The following CRISPLD2 variants were observed in gnomAD, a reference collection of about 807,000 sequenced individuals.
The protein encoded by CRISPLD2 is cysteine rich secretory protein LCCL domain containing 2, also known as cysteine-rich secretory protein LCCL domain-containing 2.
Under a neutral mutation model 71.1 loss-of-function variants are expected in CRISPLD2, and 47 were observed. That is an observed-to-expected ratio of 0.66 (90% CI 0.52 to 0.84). The LOEUF (loss-of-function observed/expected upper bound fraction) is 0.84. Ranked by LOEUF, CRISPLD2 falls within the 40% of genes least tolerant of loss-of-function variation. The pLI is 0.00. For synonymous variants in CRISPLD2, 317 were observed against 250.1 expected (o/e 1.27, Z -2.52); for missense variants, 830 against 651.1 (o/e 1.27, Z -2.99).
At chr16:84,824,545 G>A (rs1916304786) in intron 1 of CRISPLD2, among the ~76,000 whole-genome samples, 1 of 152,160 alleles carries the variant, frequency 6.6e-6, no homozygotes, top group African/African-American at 2.4e-5. Flanking sequence ...CAAGGTGAAA[G>A]TCACAGGTGG....
At chr16:84,866,141 T>G (rs1194198956) in intron 6 of CRISPLD2, among the ~76,000 whole-genome samples, 1 of 152,070 alleles carries the variant, frequency 6.6e-6, no homozygotes, top group East Asian at 1.9e-4. Flanking sequence ...GTGTGCATGA[T>G]GAGGAAGACC....
chr16:84,848,535 C>T (rs1916979849), intron 3 of CRISPLD2, among the ~76,000 whole-genome samples: 1 of 151,852 alleles, frequency 6.6e-6, no homozygotes, highest in Non-Finnish European at 1.5e-5. Flanking sequence ...AGCGATGACC[C>T]CACGGAGGAT....
At chr16:84,843,495 C>T (rs1211647633) in intron 2 of CRISPLD2, among the ~76,000 whole-genome samples, 2 of 152,218 alleles carry the variant, frequency 1.3e-5, no homozygotes, top group East Asian at 1.9e-4. Context: ...AGCCTGCCTC[C>T]GTCCAGCCAG....
chr16:84,839,768 T>G (rs917183410), intron 2 of CRISPLD2: 1 of 152,238 alleles, frequency 6.6e-6, no homozygotes, highest in African/African-American at 2.4e-5. Flanking sequence ...CAGCTATGAA[T>G]GGCTTTTTAA....
intron 14 of CRISPLD2, among the ~76,000 whole-genome samples, chr16:84,896,623 G>T (rs893430762): frequency 2.0e-5 from 3 of 152,074 alleles, no homozygotes; most frequent in African/African-American, 7.2e-5. Flanking sequence ...CTGAGCACAC[G>T]GAAGGTAGGC....
In CRISPLD2 at chr16:84,849,517, G is replaced by C; in HGVS notation, c.492G>C (p.Gln164His). The C allele has an allele frequency of 6.2e-7, 1 of 1,613,794 alleles. No individual in the cohort carries two copies. Among genetic ancestry groups the C allele is most frequent in the Non-Finnish European group, 8.5e-7 (1 of 1,179,800 alleles). ...CSGPMCTHYT[Q>H]IVWATTNKIG... ...GGCCCATGTGCACGCACTACACACA[G>C]GTAACTCGGGGACTTGCCACGACCT... Residue 164 changes from glutamine to histidine, a missense_variant and splice_region_variant, in exon 4 of 15, where the codon CAG (glutamine) becomes CAC (histidine). Physicochemically the swap from Gln to His is conservative, Grantham distance 24. Coordinates refer to ENST00000262424, the MANE Select transcript of CRISPLD2 (RefSeq NM_031476.4).
intron 14 of CRISPLD2, among the ~76,000 whole-genome samples, chr16:84,898,921 C>A (rs1310659623): frequency 6.6e-6 from 1 of 152,130 alleles, no homozygotes. Context: ...GTGACTGCAC[C>A]GTTGTACTCC....
chr16:84,895,836 G>A (rs1325513098), intron 14 of CRISPLD2, among the ~76,000 whole-genome samples: 1 of 152,168 alleles, frequency 6.6e-6, no homozygotes, highest in Non-Finnish European at 1.5e-5. Flanking sequence ...CCTCCCTGGA[G>A]AGGCTCATGG....
At chr16:84,888,642 C>G (rs1192815731) in intron 13 of CRISPLD2, among the ~76,000 whole-genome samples, 2 of 152,218 alleles carry the variant, frequency 1.3e-5, no homozygotes, top group African/African-American at 2.4e-5. Context: ...GCCTGACTCA[C>G]TGTATTCCAG....
chr16:84,872,962 GC>G (rs1379964743), intron 9 of CRISPLD2, 29 bp from the exon 10 acceptor site: 4 of 1,586,080 alleles, frequency 2.5e-6, no homozygotes, highest in Non-Finnish European at 3.4e-6. Context: ...TTGAGAATGT[GC>G]CTCTGGTCTT....
chr16:84,821,237 G>A (rs1020983304), intron 1 of CRISPLD2, among the ~76,000 whole-genome samples: 2 of 152,200 alleles, frequency 1.3e-5, no homozygotes, highest in African/African-American at 4.8e-5. Flanking sequence ...GGACCGGGGC[G>A]TGGTCCTTTC....
chr16:84,850,128 T>C (rs1440305539), intron 4 of CRISPLD2, among the ~76,000 whole-genome samples: 1 of 148,612 alleles, frequency 6.7e-6, no homozygotes, highest in East Asian at 2.1e-4. Flanking sequence ...TCTCCCTCTG[T>C]CGCCCAGGCT....
intron 14 of CRISPLD2, among the ~76,000 whole-genome samples, chr16:84,898,050 G>A (rs1006027835): frequency 2.4e-4 from 37 of 152,236 alleles, no homozygotes; most frequent in Middle Eastern, 3.2e-3. Flanking sequence ...GGCATGGAGA[G>A]ACCATCATCC....
intron 11 of CRISPLD2, 59 bp from the exon 12 acceptor site, chr16:84,877,379 G>A: frequency 6.6e-7 from 1 of 1,524,890 alleles, no homozygotes; most frequent in Non-Finnish European, 9.1e-7. Flanking sequence ...GCACAGCCTG[G>A]TAGCCTGAGG....
At chr16:84,883,994 C>T (rs978276239) in intron 13 of CRISPLD2, among the ~76,000 whole-genome samples, 1 of 152,000 alleles carries the variant, frequency 6.6e-6, no homozygotes, top group African/African-American at 2.4e-5. Flanking sequence ...CAGGTGCCCG[C>T]CACCCACACC....
chr16:84,873,596 T>C (rs903401851), intron 10 of CRISPLD2: 3 of 279,146 alleles, frequency 1.1e-5, no homozygotes, highest in African/African-American at 6.5e-5. Context: ...ATAACTTCTT[T>C]GTAATGTTTT....
chr16:84,882,371 A>AAAAAAAAAAAAAAAAAAAAAAAAAGAAAT (rs368239840), intron 13 of CRISPLD2, among the ~76,000 whole-genome samples: 1 of 114,184 alleles, frequency 8.8e-6, no homozygotes, highest in Non-Finnish European at 1.7e-5. Flanking sequence ...AAAAAAAAAA[A>AAAAAAAAAAAAAAAAAAAAAAAAAGAAAT]GCAAGAACTT....
chr16:84,889,401 G>A lies in CRISPLD2; in HGVS notation c.1439+38G>A, dbSNP rs373642581. 59 of 1,578,048 alleles carry A rather than the reference G, an allele frequency of 3.7e-5. No individual in the cohort carries two copies. The African/African-American group carries it at 4.2e-4, about 11-fold the overall frequency. On this transcript the variant is annotated intron_variant, in intron 14 of 14. Transcript: ENST00000262424. ...TCTCCAACCCTTGACACCCAATCCC[G>A]GCTGCTAATGGTCCCTCAGGGGGCC...
In CRISPLD2 at chr16:84,854,748, G is replaced by GC; in HGVS notation, c.633dup (p.Tyr212LeufsTer9). On this transcript the variant is annotated frameshift_variant, in exon 6 of 15. Transcript: ENST00000262424. LOFTEE classifies it high-confidence loss of function. ...CCTCAGGGGGAACTGGATTGGAGAA[G>GC]CCCCCTACAAGAATGGCCGGCCCTG... The GC allele has an allele frequency of 6.2e-7, 1 of 1,614,076 alleles. No individual in the cohort carries two copies. Among genetic ancestry groups the GC allele is most frequent in the Non-Finnish European group, 8.5e-7 (1 of 1,179,950 alleles).
Sources: allele counts gnomAD v4.1 joint callset (sites outside exome capture counted in the v4.1 genomes callset), GRCh38; gene constraint gnomAD v4.1.1; transcripts MANE v1.5; gene names NCBI Gene and HGNC (gene_info 2026-07-23, HGNC 2026-07-21).